AKAP1: variants seen among roughly 807,000 people sequenced by gnomAD.
AKAP1 encodes the protein A-kinase anchoring protein 1, also known as A-kinase anchor protein 1, mitochondrial.
A neutral mutation model predicts 79.8 loss-of-function variants in AKAP1; 32 were observed. The ratio of observed to expected loss-of-function variants is 0.40; its 90% CI spans 0.30 to 0.54. AKAP1 has a LOEUF of 0.54. AKAP1 is among the 20% of genes least tolerant of loss of function. The pLI is 0.47. For missense variants in AKAP1, 961 were observed against 1,138.9 expected, an observed-to-expected ratio of 0.84 and a Z score of 2.25; for synonymous variants, 416 against 466.7, an observed-to-expected ratio of 0.89 and a Z score of 1.40.
intron 8 of AKAP1, among the ~76,000 whole-genome samples, chr17:57,117,836 C>T (rs1037293337): frequency 3.9e-5 from 6 of 152,244 alleles, no homozygotes; most frequent in African/African-American, 9.6e-5. Context: ...TTCTATGTAA[C>T]TTTTGTAATC....
chr17:57,118,495 T>C (rs1348057905), intron 9 of AKAP1, 41 bp downstream of exon 9: 2 of 1,605,820 alleles, frequency 1.2e-6, no homozygotes, highest in Admixed American at 3.3e-5. Context: ...GCTGGCTGGG[T>C]TCTTGGGAAC....
rs774669757 is a variant in AKAP1 at position 57,106,205 on chromosome 17, G to A, written c.741G>A (p.Lys247=). The part of the protein sequence containing the change: ...ASLEGEEDKG[K]SSSSQVVGPV... Reference sequence around the variant, plus strand: ...TAGAGGGGGAAGAAGATAAGGGGAAGAGCAGCTCATCCCAGGTGGTGGGGC... The same window carrying A: ...TAGAGGGGGAAGAAGATAAGGGGAAAAGCAGCTCATCCCAGGTGGTGGGGC... The change falls in exon 2 of 11, where the codon AAG becomes AAA. Residue 247 remains lysine (K), a synonymous_variant. Transcript: ENST00000337714. The A allele has an allele frequency of 5.0e-6, 8 of 1,614,092 alleles. No individual in the cohort carries two copies. The Admixed American group carries it at 1.3e-4, about 27-fold the overall frequency.
chr17:57,118,400 G>T lies in AKAP1; in HGVS notation c.2520G>T (p.Pro840=). The change falls in exon 9 of 11, where the codon CCG becomes CCT. Residue 840 remains proline (P), a synonymous_variant. Transcript: ENST00000337714. ...MPLSDDDQFS[P]EADAAMSEMT... ...CTGAAGACGATGACCAGTTTTCACC[G>T]GAAGCAGATGCCGCCATGAGCGAGA... is the stretch of plus-strand genomic sequence containing the variant. 1 of 1,613,968 alleles carries T rather than the reference G, an allele frequency of 6.2e-7. No individual in the cohort carries two copies. The highest frequency in any genetic ancestry group is 8.5e-7 in the Non-Finnish European group (1 of 1,179,930).
At chr17:57,103,560 T>C (rs980635323) in intron 1 of AKAP1, among the ~76,000 whole-genome samples, 3 of 152,254 alleles carry the variant, frequency 2.0e-5, no homozygotes, top group African/African-American at 7.2e-5. Context: ...GATGTTCTGG[T>C]TCTGCCAGAA....
At chr17:57,093,977 T>C (rs1029479565) in intron 1 of AKAP1, 26 of 152,248 alleles carry the variant, frequency 1.7e-4, no homozygotes, top group Non-Finnish European at 3.1e-4. Context: ...TACATTATTA[T>C]AATATGAACC....
chr17:57,106,933 G>C lies in AKAP1; in HGVS notation c.1469G>C (p.Cys490Ser), dbSNP rs772473248. ...GTGGAAGATGCCACCTGTGTCACCT[G>C]CATGTCAGACAGCAGCCAAAGTGTC... Reference protein sequence around the residue: ...ILVEDATCVTCMSDSSQSVPL... With the variant: ...ILVEDATCVTSMSDSSQSVPL... Residue 490 changes from cysteine (C) to serine (S), a missense_variant, in exon 2 of 11, where the codon TGC becomes TCC. This residue lies in a region of AKAP1 where 629 missense variants were observed against 781.1 expected (regional missense o/e 0.81). Transcript: ENST00000337714. 6.2e-7 allele frequency: 1 copy of C among 1,614,044 alleles called. No individual in the cohort carries two copies.
chr17:57,096,868 G>A (rs897208970), intron 1 of AKAP1: 1 of 152,270 alleles, frequency 6.6e-6, no homozygotes, highest in Non-Finnish European at 1.5e-5. Context: ...GCCAGCTGCA[G>A]GTGGAGAGTT....
Position 57,110,105 on chromosome 17 carries a change from G to A in AKAP1, c.1795G>A (p.Gly599Ser). ...TGAGAGCTTCCAAAATGCCCAGGCA[G>A]GCTCCAACCCTAAGAAGGTCGACCT... is the stretch of plus-strand genomic sequence containing the variant. ...KTESFQNAQA[G>S]SNPKKVDLII... Residue 599 changes from glycine (G) to serine (S), a missense_variant, in exon 3 of 11, where the codon GGC becomes AGC. Coordinates refer to ENST00000337714, the MANE Select transcript of AKAP1 (RefSeq NM_003488.4). 5.0e-6 allele frequency: 8 copies of A among 1,614,184 alleles called. No homozygotes were observed. Among genetic ancestry groups the A allele is most frequent in the Non-Finnish European group, 6.8e-6 (8 of 1,180,036 alleles).
rs138354915 is a variant in AKAP1 at position 57,111,710 on chromosome 17, G to T, written c.1849-88G>T. 1.2e-3 allele frequency: 1,755 copies of T among 1,504,282 alleles called. 25 individuals carry two copies. The Admixed American group carries it at 0.02, about 17-fold the overall frequency. The allele number at this position is 1,504,282 out of a possible 1,614,324, so 93.2% of individuals were successfully genotyped here. The stretch of plus-strand genomic sequence containing the variant: ...GGTAACAGCTAATATGTTTGAGCAT[G>T]ATCTTGTGTAAAACAGAAGTAGGTC... On this transcript the variant is annotated intron_variant, in intron 3 of 10. Transcript: ENST00000337714.
chr17:57,109,891 A>ACAGT, intron 2 of AKAP1, 134 bp from the exon 3 acceptor site: 4 of 1,194,656 alleles, frequency 3.3e-6, no homozygotes, highest in Non-Finnish European at 4.7e-6. Context: ...CTGTAAGTTG[A>ACAGT]CAGTCACCTG....
chr17:57,113,706 G>A (rs1311311859), intron 5 of AKAP1, among the ~76,000 whole-genome samples: 3 of 145,490 alleles, frequency 2.1e-5, no homozygotes, highest in Non-Finnish European at 4.5e-5. Flanking sequence ...AGGTTCAAAC[G>A]ATTATCCTGC....
intron 2 of AKAP1, among the ~76,000 whole-genome samples, chr17:57,107,447 G>A (rs1241806355): frequency 1.3e-5 from 2 of 152,142 alleles, no homozygotes; most frequent in Admixed American, 6.5e-5. Context: ...AGGAACTAGC[G>A]CCAAGTTGGG....
At chr17:57,115,282 A>T (rs1011573090) in intron 6 of AKAP1, among the ~76,000 whole-genome samples, 10 of 152,198 alleles carry the variant, frequency 6.6e-5, no homozygotes, top group Admixed American at 6.5e-5. Flanking sequence ...AACCTTCTGA[A>T]GTGATCTCTG....
chr17:57,117,062 T>C, intron 8 of AKAP1, 135 bp downstream of exon 8: 3 of 933,934 alleles, frequency 3.2e-6, no homozygotes, highest in Non-Finnish European at 3.5e-6. Context: ...TCTGACTGAA[T>C]AGGTCTGGGC....
chr17:57,096,667 A>G (rs1444754096), intron 1 of AKAP1: 1 of 152,162 alleles, frequency 6.6e-6, no homozygotes, highest in African/African-American at 2.4e-5. Flanking sequence ...TGGCTCCAGC[A>G]CTCTGATTCC....
chr17:57,105,732 G>C lies in AKAP1; in HGVS notation c.268G>C (p.Ala90Pro). ...KELSTVSKLP[A>P]EPPALLQTHP... ...ACTGTCCACCGTGAGCAAGCTGCCT[G>C]CAGAGCCCCCAGCATTGCTCCAGAC... is the stretch of plus-strand genomic sequence containing the variant. The change falls in exon 2 of 11, where the codon GCA becomes CCA. Residue 90 changes from alanine (A) to proline (P), a missense_variant. Coordinates refer to ENST00000337714, the MANE Select transcript of AKAP1 (RefSeq NM_003488.4). 6.2e-7 allele frequency: 1 copy of C among 1,614,160 alleles called. No homozygotes were observed. The highest frequency in any genetic ancestry group is 8.5e-7 in the Non-Finnish European group (1 of 1,180,044).
chr17:57,107,142 G>A lies in AKAP1; in HGVS notation c.1678G>A (p.Gly560Arg), dbSNP rs201781643. ...GTTGTCAGACTTGGGGGCTGAGGAT[G>A]GATGGACCATGGATGCGGAAGCAGA... The part of the protein sequence containing the change: ...GELSDLGAED[G>R]WTMDAEADHS... The change falls in exon 2 of 11, where the codon GGA (glycine) becomes AGA (arginine). Residue 560 changes from glycine to arginine, a missense_variant. By Grantham distance (125) the Gly-to-Arg change is moderately radical. Transcript: ENST00000337714. 6.2e-6 allele frequency: 10 copies of A among 1,613,288 alleles called. No individual in the cohort carries two copies. The East Asian group carries it at 1.8e-4, about 29-fold the overall frequency.
chr17:57,106,207 G>A lies in AKAP1; in HGVS notation c.743G>A (p.Ser248Asn), dbSNP rs759960850. 6.2e-6 allele frequency: 10 copies of A among 1,614,080 alleles called. No individual in the cohort carries two copies. The Admixed American group carries it at 1.3e-4, about 22-fold the overall frequency. The change falls in exon 2 of 11, where the codon AGC becomes AAC. Residue 248 changes from serine (S) to asparagine (N), a missense_variant. Coordinates refer to ENST00000337714, the MANE Select transcript of AKAP1 (RefSeq NM_003488.4). ...GAGGGGGAAGAAGATAAGGGGAAGA[G>A]CAGCTCATCCCAGGTGGTGGGGCCA... is the stretch of plus-strand genomic sequence containing the variant. ...SLEGEEDKGK[S>N]SSSQVVGPVQ...
At chr17:57,104,414 G>C (rs553686195) in intron 1 of AKAP1, among the ~76,000 whole-genome samples, 1 of 152,222 alleles carries the variant, frequency 6.6e-6, no homozygotes, top group African/African-American at 2.4e-5. Context: ...CTGACCCCAC[G>C]ATGGTACAGA....
Sources: gnomAD v4.1 joint callset for allele counts (sites outside exome capture counted in the v4.1 genomes callset) on GRCh38, gnomAD v4.1.1 for gene constraint, gnomAD v4.1.1 regional missense constraint, MANE v1.5 for transcripts, NCBI Gene and HGNC (gene_info 2026-07-23, HGNC 2026-07-21) for gene names.